Variants in STAG1 observed in about 807,000 individuals in gnomAD.
STAG1 encodes the protein cohesin subunit SA-1.
In STAG1, 26 loss-of-function variants were observed where a neutral mutation model predicts 170.9. The ratio of observed to expected loss-of-function variants is 0.15; its 90% confidence interval spans 0.11 to 0.21. STAG1 has a LOEUF of 0.21. STAG1 is among the 10% of genes least tolerant of loss of function. The probability of loss-of-function intolerance (pLI) is 1.00; values close to 1 mark genes in which losing one functional copy is unlikely to be tolerated. For synonymous variants in STAG1, 514 were observed against 497.7 expected, an observed-to-expected ratio of 1.03 and a Z score of -0.44; for missense variants, 964 against 1,509.5, an observed-to-expected ratio of 0.64 and a Z score of 5.99.
intron 1 of STAG1, among the ~76,000 whole-genome samples, chr3:136,720,542 C>G (rs1290174730): frequency 6.6e-6 from 1 of 152,156 alleles, no homozygotes; most frequent in African/African-American, 2.4e-5. Context: ...GTAATACCAG[C>G]ACTTTGGGAG....
Position 136,500,210 on chromosome 3 carries a change from T to A in STAG1, c.902+13A>T. 3 of 1,496,470 alleles carry A rather than the reference T, an allele frequency of 2.0e-6. No individual in the cohort carries two copies. The highest frequency in any genetic ancestry group is 1.2e-5 in the South Asian group (1 of 83,916). 92.7% of individuals were successfully genotyped at this position (1,496,470 alleles called of 1,614,324 possible). ...AGTGAAAAGCCTTCAAAATTATTTT[T>A]AAAATCTCTTACCGGTATCTATGAA... On this transcript the variant is annotated intron_variant, in intron 9 of 33. Coordinates refer to ENST00000383202, the MANE Select transcript of STAG1 (RefSeq NM_005862.3).
intron 22 of STAG1, among the ~76,000 whole-genome samples, chr3:136,387,681 A>G (rs1409822165): frequency 6.6e-6 from 1 of 152,108 alleles, no homozygotes; most frequent in Non-Finnish European, 1.5e-5. Context: ...CGACTATTTG[A>G]TATTTAAACC....
chr3:136,751,923 G>A (rs528701561), intron 1 of STAG1, among the ~76,000 whole-genome samples: 3 of 150,954 alleles, frequency 2.0e-5, no homozygotes, highest in South Asian at 2.1e-4. Context: ...CCCGCGGGAG[G>A]GGTGGCAAGC....
At chr3:136,484,875 A>G (rs997921051) in intron 9 of STAG1, among the ~76,000 whole-genome samples, 15 of 151,858 alleles carry the variant, frequency 9.9e-5, no homozygotes, top group Non-Finnish European at 2.1e-4. Flanking sequence ...TTTGACTCGG[A>G]AAGGGAACTC....
chr3:136,398,858 A>C, intron 21 of STAG1, 29 bp from the exon 22 acceptor site: 1 of 1,455,404 alleles, frequency 6.9e-7, no homozygotes. Context: ...AATTTTTTTA[A>C]TGAAAAATTC....
chr3:136,476,970 T>C (rs915545013), intron 10 of STAG1, among the ~76,000 whole-genome samples: 1 of 152,104 alleles, frequency 6.6e-6, no homozygotes, highest in African/African-American at 2.4e-5. Flanking sequence ...TTTTTATATA[T>C]TAAGAAAAAA....
intron 13 of STAG1, 147 bp downstream of exon 13, chr3:136,464,734 A>G: frequency 1.7e-6 from 1 of 575,590 alleles, no homozygotes. Context: ...ATGTATACAT[A>G]GGCTGTGAGG....
intron 9 of STAG1, among the ~76,000 whole-genome samples, chr3:136,495,451 GA>G (rs1193999520): frequency 6.6e-6 from 1 of 152,082 alleles, no homozygotes; most frequent in African/African-American, 2.4e-5. Flanking sequence ...CATACAAATT[GA>G]AAACATTTGC....
intron 7 of STAG1, among the ~76,000 whole-genome samples, chr3:136,507,279 G>T (rs796311467): frequency 8.5e-5 from 13 of 152,296 alleles, no homozygotes; most frequent in African/African-American, 3.1e-4. Flanking sequence ...TAAGAAACTG[G>T]CAACTTTGGT....
chr3:136,592,093 G>GT (rs1399915079), intron 4 of STAG1, among the ~76,000 whole-genome samples: 6 of 152,178 alleles, frequency 3.9e-5, no homozygotes, highest in African/African-American at 1.4e-4. Flanking sequence ...GATGGAGGAA[G>GT]TATCTGCCTT....
intron 1 of STAG1, among the ~76,000 whole-genome samples, chr3:136,652,521 G>A (rs1398930737): frequency 6.6e-6 from 1 of 152,166 alleles, no homozygotes; most frequent in Non-Finnish European, 1.5e-5. Context: ...TATTACCACT[G>A]CTACTGTTTA....
At chr3:136,665,823 C>A (rs1276972956) in intron 1 of STAG1, among the ~76,000 whole-genome samples, 1 of 148,306 alleles carries the variant, frequency 6.7e-6, no homozygotes, top group Non-Finnish European at 1.5e-5. Context: ...CACCTGTAAT[C>A]CCAGCACTTT....
chr3:136,631,934 G>A (rs956588999), intron 1 of STAG1, among the ~76,000 whole-genome samples: 4 of 152,038 alleles, frequency 2.6e-5, no homozygotes, highest in African/African-American at 9.7e-5. Context: ...TAAGATCAGA[G>A]AATTCCCAAG....
rs368710571 is a variant in STAG1, at chr3:136,485,740, T to C, written c.903-8328A>G. The stretch of plus-strand genomic sequence containing the variant: ...TCAATTCCATCTCTGTTTAACGTCA[T>C]ATGTATTGTTTTACATAAATATTAT... On this transcript the variant is annotated intron_variant, in intron 9 of 33. Transcript: ENST00000383202. Among the ~76,000 whole-genome samples, 25 of 152,364 alleles carry C rather than the reference T, an allele frequency of 1.6e-4. 1 individual carries two copies. The East Asian group carries it at 4.2e-3, about 26-fold the overall frequency.
rs2088687467 is a variant in STAG1, at chr3:136,443,391, G to T, written c.1442C>A (p.Ala481Glu). ...CCATAAACTGTCCACCAAGTAGGCT[G>T]CATGTTCATGTAACTAAAAAGAAAA... ...FFLESELHEHAAYLVDSLWES... is the reference protein window; with the variant it reads ...FFLESELHEHEAYLVDSLWES... The change falls in exon 15 of 34, where the codon GCA becomes GAA. Residue 481 changes from alanine to glutamate, a missense_variant. Around this residue, in one of 11 missense-constraint regions of STAG1, gnomAD observed 162 missense variants for 211.2 expected, o/e 0.77. Coordinates refer to ENST00000383202, the MANE Select transcript of STAG1 (RefSeq NM_005862.3). 1 of 1,608,138 alleles carries T rather than the reference G, an allele frequency of 6.2e-7. No individual in the cohort carries two copies.
chr3:136,405,796 A>C (rs2087466197), intron 21 of STAG1, among the ~76,000 whole-genome samples: 1 of 142,088 alleles, frequency 7.0e-6, no homozygotes, highest in African/African-American at 2.6e-5. Flanking sequence ...ATCTCCAAAA[A>C]AAAAAAAAAA....
At chr3:136,611,658 CTTTTTTTTT>C (rs760493827) in intron 3 of STAG1, among the ~76,000 whole-genome samples, 65 of 72,606 alleles carry the variant, frequency 9.0e-4, no homozygotes, top group African/African-American at 3.8e-3. Context: ...CCACACCCAG[CTTTTTTTTT>C]TTTTTTTTTT....
At chr3:136,422,374 ATAT>A in intron 19 of STAG1, 33 bp downstream of exon 19, 1 of 1,571,292 alleles carries the variant, frequency 6.4e-7, no homozygotes, top group Non-Finnish European at 8.7e-7. Flanking sequence ...TTCTCAGTCA[ATAT>A]TATTATATGT....
At chr3:136,463,072 T>C (rs2089318599) in intron 13 of STAG1, among the ~76,000 whole-genome samples, 1 of 152,212 alleles carries the variant, frequency 6.6e-6, no homozygotes, top group Non-Finnish European at 1.5e-5. Context: ...CAGTACATTC[T>C]TGGTATCAGT....
Sources: allele counts gnomAD v4.1 joint callset (sites outside exome capture counted in the v4.1 genomes callset), GRCh38; gene constraint gnomAD v4.1.1; regional missense constraint gnomAD v4.1.1; transcripts MANE v1.5; gene names NCBI Gene and HGNC (gene_info 2026-07-23, HGNC 2026-07-21).